The following PRKG1 variants were observed in gnomAD, a reference collection of about 807,000 sequenced individuals.
PRKG1 encodes the protein protein kinase cGMP-dependent 1, also known as cGMP-dependent protein kinase 1.
In PRKG1, 35 loss-of-function variants were observed where a neutral mutation model predicts 88.1. That is an observed-to-expected ratio of 0.40 (90% CI 0.30 to 0.53). The LOEUF is 0.53. PRKG1 is among the 20% of genes least tolerant of loss of function. The pLI, the probability that PRKG1 is intolerant of heterozygous loss-of-function variation, is 0.59. For synonymous variants in PRKG1, 303 were observed against 292.5 expected, an observed-to-expected ratio of 1.04 and a Z score of -0.37; for missense variants, 540 against 839.8, an observed-to-expected ratio of 0.64 and a Z score of 4.41.
At chr10:52,246,591 T>G (rs1047935062) in intron 9 of PRKG1, among the ~76,000 whole-genome samples, 1 of 152,086 alleles carries the variant, frequency 6.6e-6, no homozygotes, top group African/African-American at 2.4e-5. Context: ...AAGAGTCCCC[T>G]ATAGGCCAGT....
chr10:52,246,766 C>T (rs1490398600), intron 9 of PRKG1, among the ~76,000 whole-genome samples: 2 of 150,744 alleles, frequency 1.3e-5, no homozygotes, highest in Non-Finnish European at 2.9e-5. Context: ...ATCCCAGCTA[C>T]TCAGGAGGCT....
At chr10:51,698,887 G>A (rs1224143970) in intron 3 of PRKG1, 7 of 1,613,672 alleles carry the variant, frequency 4.3e-6, no homozygotes, top group Non-Finnish European at 5.9e-6. Context: ...GTCCTGGGCA[G>A]AGCCCAGGGC....
chr10:51,140,494 G>GTC (rs1845794585), intron 1 of PRKG1, among the ~76,000 whole-genome samples: 2 of 152,198 alleles, frequency 1.3e-5, no homozygotes, highest in South Asian at 4.1e-4. Context: ...TTAAGAGGGG[G>GTC]TCTGGGGTGG....
rs570097852 is a variant in PRKG1, at chr10:51,851,951, G to A, written c.698+47261G>A. Among the ~76,000 whole-genome samples, 285 of 152,114 alleles carry A rather than the reference G, an allele frequency of 1.9e-3. 2 individuals are homozygous for A. Among genetic ancestry groups the A allele is most frequent in the African/African-American group, 6.4e-3 (264 of 41,496 alleles). Reference sequence around the variant, plus strand: ...CTGCCATGATAAATTAGTGATGCTCGCCATGGTCAAGGGATGGAAAGACAT... The same window carrying A: ...CTGCCATGATAAATTAGTGATGCTCACCATGGTCAAGGGATGGAAAGACAT... On this transcript the variant is annotated intron_variant, in intron 4 of 17. Transcript: ENST00000373980.
At chr10:51,671,154 C>A (rs1477596089) in intron 3 of PRKG1, among the ~76,000 whole-genome samples, 3 of 151,452 alleles carry the variant, frequency 2.0e-5, no homozygotes, top group Non-Finnish European at 4.4e-5. Flanking sequence ...TAAGTAAGAT[C>A]TTTCTTAAGT....
At chr10:52,112,923 T>A (rs1402600390) in intron 7 of PRKG1, among the ~76,000 whole-genome samples, 1 of 152,160 alleles carries the variant, frequency 6.6e-6, no homozygotes, top group Admixed American at 6.5e-5. Flanking sequence ...ATATGATAAT[T>A]TATGCTGCAA....
At chr10:51,956,892 G>A (rs1057097055) in intron 5 of PRKG1, among the ~76,000 whole-genome samples, 3 of 152,062 alleles carry the variant, frequency 2.0e-5, no homozygotes, top group African/African-American at 7.2e-5. Context: ...GCCCTGAAAT[G>A]TGAGAACTCA....
At chr10:52,275,330 C>T (rs1012275679) in intron 12 of PRKG1, among the ~76,000 whole-genome samples, 3 of 152,146 alleles carry the variant, frequency 2.0e-5, no homozygotes, top group African/African-American at 7.2e-5. Flanking sequence ...AGGTTTAAGT[C>T]CTTAATCCAT....
chr10:52,228,830 C>G (rs922895504), intron 9 of PRKG1, among the ~76,000 whole-genome samples: 1 of 152,088 alleles, frequency 6.6e-6, no homozygotes, highest in African/African-American at 2.4e-5. Context: ...CATCACTGGG[C>G]AGAAGTGGGT....
chr10:51,326,502 T>C (rs768421206), intron 2 of PRKG1, among the ~76,000 whole-genome samples: 4 of 152,240 alleles, frequency 2.6e-5, no homozygotes, highest in Admixed American at 6.5e-5. Flanking sequence ...TTTTCATTAA[T>C]ATCCTGCAAA....
At position 50,994,537 on chromosome 10, in the gene PRKG1, A is replaced by C. The variant is rs912977129; in HGVS notation, c.266+2893A>C. Among the ~76,000 whole-genome samples, 8 of 151,174 alleles carry C rather than the reference A, an allele frequency of 5.3e-5. No individual in the cohort carries two copies. In the East Asian group the frequency reaches 1.2e-3, roughly 22 times the overall value. ...GCCATTCTCCTGCCTCAGCCTCCCG[A>C]GTACACCTCACCTGTTTTTTGTAAA... On this transcript the variant is annotated intron_variant, in intron 1 of 17. Transcript: ENST00000401604.
chr10:52,123,021 A>G (rs1589626493), intron 7 of PRKG1, among the ~76,000 whole-genome samples: 1 of 152,310 alleles, frequency 6.6e-6, no homozygotes. Context: ...ATTAGGTTGA[A>G]CCATAGAAAA....
At chr10:51,613,845 G>A (rs1589131521) in intron 3 of PRKG1, among the ~76,000 whole-genome samples, 1 of 151,878 alleles carries the variant, frequency 6.6e-6, no homozygotes, top group African/African-American at 2.4e-5. Flanking sequence ...GGTCTGAGAA[G>A]ATACTTGATA....
At chr10:51,200,903 C>T (rs1337938737) in intron 2 of PRKG1, among the ~76,000 whole-genome samples, 1 of 152,130 alleles carries the variant, frequency 6.6e-6, no homozygotes, top group African/African-American at 2.4e-5. Flanking sequence ...TGATTGACTA[C>T]AGCTCAGAGA....
At chr10:52,048,651 G>T (rs1007102657) in intron 5 of PRKG1, among the ~76,000 whole-genome samples, 11 of 151,942 alleles carry the variant, frequency 7.2e-5, no homozygotes, top group Admixed American at 5.9e-4. Flanking sequence ...GAACGCAAAG[G>T]CACACAATAT....
intron 5 of PRKG1, among the ~76,000 whole-genome samples, chr10:51,991,565 G>A (rs994341637): frequency 3.3e-5 from 5 of 152,082 alleles, no homozygotes; most frequent in African/African-American, 9.7e-5. Flanking sequence ...GGTGTGTGAT[G>A]TTCCCCTTCC....
chr10:52,044,948 C>G (rs182298808), intron 5 of PRKG1, among the ~76,000 whole-genome samples: 1 of 152,244 alleles, frequency 6.6e-6, no homozygotes, highest in East Asian at 1.9e-4. Flanking sequence ...ATCTTTAAAC[C>G]TTTGTGTCAA....
At chr10:52,035,286 TG>T (rs1330726148) in intron 5 of PRKG1, among the ~76,000 whole-genome samples, 1 of 152,132 alleles carries the variant, frequency 6.6e-6, no homozygotes, top group Non-Finnish European at 1.5e-5. Context: ...TTGCCAGTCC[TG>T]GGTGGGGCAA....
chr10:51,699,036 G>A (rs1730514413), intron 3 of PRKG1: 3 of 1,614,256 alleles, frequency 1.9e-6, no homozygotes, highest in Non-Finnish European at 2.5e-6. Flanking sequence ...GCCTGCAACA[G>A]TGCATAAGCC....
Sources: allele counts gnomAD v4.1 joint callset (sites outside exome capture counted in the v4.1 genomes callset), GRCh38; gene constraint gnomAD v4.1.1; transcripts MANE v1.5; gene names NCBI Gene and HGNC (gene_info 2026-07-23, HGNC 2026-07-21).